The following NOTCH3 variants were observed in gnomAD, a reference collection of about 807,000 sequenced individuals.
NOTCH3 encodes notch receptor 3, also known as neurogenic locus notch homolog protein 3.
A neutral mutation model predicts 213.3 loss-of-function variants in NOTCH3; 86 were observed. That is an observed-to-expected ratio of 0.40 (90% confidence interval 0.34 to 0.48). The LOEUF is 0.48. NOTCH3 is among the 20% of genes least tolerant of loss of function. NOTCH3 has a pLI of 0.57. For synonymous variants in NOTCH3, 1,354 were observed against 1,355.9 expected, an observed-to-expected ratio of 1.00 and a Z score of 0.03; for missense variants, 2,783 against 3,272.6, an observed-to-expected ratio of 0.85 and a Z score of 3.65.
chr19:15,160,235 C>T lies in NOTCH3; in HGVS notation c.*427G>A, dbSNP rs1210062560. On this transcript the variant is annotated 3_prime_UTR_variant, in exon 33 of 33. Transcript: ENST00000263388. ...GGGGGTTCACAGGGGGAGGGAGCAT[C>T]TCCATATATATATTTTGTAAAAAAT... 2.9e-5 allele frequency: 7 copies of T among 240,640 alleles called. No homozygotes were observed. The highest frequency in any genetic ancestry group is 1.3e-4 in the African/African-American group (6 of 45,156). 14.9% of individuals were successfully genotyped at this position (240,640 alleles called of 1,614,324 possible).
chr19:15,193,079 T>A (rs1019848982), intron 2 of NOTCH3, among the ~76,000 whole-genome samples: 1 of 152,018 alleles, frequency 6.6e-6, no homozygotes, highest in Non-Finnish European at 1.5e-5. Flanking sequence ...CATATACGAA[T>A]AACAAATTAA....
chr19:15,188,473 A>C (rs1599390839), intron 8 of NOTCH3, 125 bp from the exon 9 acceptor site: 1 of 713,690 alleles, frequency 1.4e-6, no homozygotes, highest in South Asian at 1.5e-5. Context: ...CCACCTCTAC[A>C]CTCCCAGCCC....
intron 24 of NOTCH3, among the ~76,000 whole-genome samples, chr19:15,175,588 T>TAC (rs149125680): frequency 0.06 from 2,832 of 47,152 alleles, 86 homozygotes; most frequent in African/African-American, 0.12. Flanking sequence ...TATATATGTA[T>TAC]ATACACACAC....
At chr19:15,164,793 CT>C (rs1281625446) in intron 31 of NOTCH3, among the ~76,000 whole-genome samples, 1 of 37,120 alleles carries the variant, frequency 2.7e-5, no homozygotes. Flanking sequence ...CGTCTGGAGA[CT>C]GTTTTTTTTT....
At chr19:15,187,039 T>TG in intron 11 of NOTCH3, 51 bp from the exon 12 acceptor site, 1 of 1,606,888 alleles carries the variant, frequency 6.2e-7, no homozygotes, top group Non-Finnish European at 8.5e-7. Flanking sequence ...CCCCACTAGA[T>TG]GCACCATTCC....
chr19:15,178,441 G>A (rs1335923440), intron 23 of NOTCH3: 9 of 445,552 alleles, frequency 2.0e-5, no homozygotes, highest in Admixed American at 1.4e-4. Flanking sequence ...AGGCTGGAGT[G>A]CAATGGCGTG....
Position 15,197,179 on chromosome 19 carries a change from C to T in NOTCH3, c.197+321G>A, listed in dbSNP as rs183073462. ...TGAATAATACCTACCTCATGGGGGG[C>T]TTTACATGTGACCTCAGGTGGCCAA... On this transcript the variant is annotated intron_variant, in intron 2 of 32. Transcript: ENST00000263388. 2.1e-3 allele frequency among the ~76,000 whole-genome samples: 320 copies of T among 152,262 alleles called. 2 individuals carry two copies. Among genetic ancestry groups the T allele is most frequent in the African/African-American group, 7.5e-3 (310 of 41,540 alleles).
At chr19:15,182,339 T>G (rs2046847933) in intron 16 of NOTCH3, among the ~76,000 whole-genome samples, 1 of 152,022 alleles carries the variant, frequency 6.6e-6, no homozygotes, top group Admixed American at 6.6e-5. Flanking sequence ...AGACCCCATT[T>G]CTATAAAAAA....
In NOTCH3 at chr19:15,165,863, T is replaced by C. The variant is rs775019080; in HGVS notation, c.5591A>G (p.Asp1864Gly). Residue 1864 changes from aspartate (D) to glycine (G), a missense_variant, in exon 30 of 33, where the codon GAC becomes GGC. By Grantham distance (94) the Asp-to-Gly change is moderately conservative (BLOSUM62 -1). Coordinates refer to ENST00000263388, the MANE Select transcript of NOTCH3 (RefSeq NM_000435.3). This position sits in a 1 kb window ranked among gnomAD's most constrained non-coding sequence, Gnocchi z 4.7. The part of the protein sequence containing the change: ...AAKRLLDAGA[D>G]TNAQDHSGRT... ...GCCTGAGTGGTCCTGGGCATTGGTG[T>C]CTGCCCCAGCATCCAGCAGCCGCTT... The C allele has an allele frequency of 5.6e-6, 9 of 1,614,072 alleles. No individual in the cohort carries two copies. The South Asian group carries it at 7.7e-5, about 14-fold the overall frequency.
chr19:15,181,260 T>C (rs1201976347), intron 17 of NOTCH3, 98 bp from the exon 18 acceptor site: 2 of 1,109,528 alleles, frequency 1.8e-6, no homozygotes, highest in Admixed American at 2.0e-5. Context: ...GACGTCCCAC[T>C]CCCTGACCCT....
intron 32 of NOTCH3, 46 bp from the exon 33 acceptor site, chr19:15,161,760 G>C: frequency 6.4e-7 from 1 of 1,561,602 alleles, no homozygotes; most frequent in Non-Finnish European, 8.8e-7. Context: ...CCAGCTAACA[G>C]TAGCAAAGTC....
intron 28 of NOTCH3, among the ~76,000 whole-genome samples, chr19:15,169,346 C>T (rs1200411959): frequency 6.6e-6 from 1 of 152,194 alleles, no homozygotes; most frequent in African/African-American, 2.4e-5. Context: ...TGGGCTTGGA[C>T]TTCCAACCTC....
At chr19:15,197,443 C>CGCAG in intron 2 of NOTCH3, 57 bp downstream of exon 2, 1 of 585,084 alleles carries the variant, frequency 1.7e-6, no homozygotes. Context: ...GACAAATCGC[C>CGCAG]CCTCCCCCCC....
At chr19:15,187,809 GTC>G in intron 10 of NOTCH3, 70 bp downstream of exon 10, 1 of 1,257,192 alleles carries the variant, frequency 8.0e-7, no homozygotes, top group Non-Finnish European at 1.1e-6. Context: ...CTCTCCCCAA[GTC>G]TGTTATTGGC....
intron 6 of NOTCH3, 80 bp from the exon 7 acceptor site, chr19:15,189,508 T>G: frequency 1.9e-6 from 3 of 1,539,982 alleles, no homozygotes; most frequent in Non-Finnish European, 2.7e-6. Flanking sequence ...TATTGTTTTG[T>G]CGTTGTTGTT....
rs767235139 is a variant in NOTCH3, at chr19:15,162,593, CA to C, written c.5816-32del. 3 of 1,573,674 alleles carry C rather than the reference CA, an allele frequency of 1.9e-6. No individual in the cohort carries two copies. In the South Asian group the frequency reaches 3.3e-5, roughly 18 times the overall value. ...GGATGAAGGGGAGAGAGGTCAGGAC[CA>C]GGCACCTGTCCTGGGGCCCCCATGT... On this transcript the variant is annotated intron_variant, in intron 31 of 32. Transcript: ENST00000263388.
At chr19:15,196,870 C>T (rs190458951) in intron 2 of NOTCH3, among the ~76,000 whole-genome samples, 33 of 152,300 alleles carry the variant, frequency 2.2e-4, no homozygotes, top group Admixed American at 1.9e-3. Context: ...CTGCTCAGCT[C>T]CTTCCCAGCC....
chr19:15,197,573 G>T lies in NOTCH3; in HGVS notation c.124C>A (p.Pro42Thr), dbSNP rs372995747. 6 of 1,611,590 alleles carry T rather than the reference G, an allele frequency of 3.7e-6. No individual in the cohort carries two copies. Among genetic ancestry groups the T allele is most frequent in the East Asian group, 2.2e-5 (1 of 44,872 alleles). The change falls in exon 2 of 33, where the codon CCT (proline) becomes ACT (threonine). Residue 42 changes from proline (P) to threonine (T), a missense_variant. By Grantham distance (38) the Pro-to-Thr change is conservative. Transcript: ENST00000263388. Reference protein sequence around the residue: ...LLAGPGAAAPPCLDGSPCANG... With the variant: ...LLAGPGAAAPTCLDGSPCANG... Reference sequence around the variant, plus strand: ...GCACACGGGCTTCCGTCCAGGCAAGGGGGGGCTGTGTGGGGGTGAAGGAAG... The same window carrying T: ...GCACACGGGCTTCCGTCCAGGCAAGTGGGGGCTGTGTGGGGGTGAAGGAAG...
rs2046725672 is a variant in NOTCH3, at chr19:15,170,657, A to G, written c.4891+14T>C. 6.4e-7 allele frequency: 1 copy of G among 1,554,804 alleles called. No individual in the cohort carries two copies. Among genetic ancestry groups the G allele is most frequent in the South Asian group, 1.2e-5 (1 of 84,942 alleles). ...CTCCGCCCCCGCCACCCCCTCCCCAAGGCAGGGCCGCACCCCGCACGTCCC... is the reference window on the plus strand; with the variant it reads ...CTCCGCCCCCGCCACCCCCTCCCCAGGGCAGGGCCGCACCCCGCACGTCCC... On this transcript the variant is annotated intron_variant, in intron 26 of 32. Transcript: ENST00000263388.
Sources: gnomAD v4.1 joint callset for allele counts (sites outside exome capture counted in the v4.1 genomes callset) on GRCh38, gnomAD v4.1.1 for gene constraint, Gnocchi (gnomAD v3.1) non-coding constraint, MANE v1.5 for transcripts, NCBI Gene and HGNC (gene_info 2026-07-23, HGNC 2026-07-21) for gene names.